The following HHAT variants were observed in gnomAD, a reference collection of about 807,000 sequenced individuals.
HHAT encodes hedgehog acyltransferase.
HHAT carries 47 observed loss-of-function variants against 70.8 expected under a neutral mutation model. The observed-to-expected ratio is 0.66, with a 90% confidence interval of 0.53 to 0.85. The LOEUF is 0.85. Among genes scored for constraint, HHAT ranks in the 40% least tolerant of loss-of-function variants. The pLI is 0.00. For missense variants in HHAT, 609 were observed against 604.8 expected, an observed-to-expected ratio of 1.01 and a Z score of -0.07; for synonymous variants, 228 against 247.6, an observed-to-expected ratio of 0.92 and a Z score of 0.74.
intron 3 of HHAT, among the ~76,000 whole-genome samples, chr1:210,382,861 A>AC (rs2090751212): frequency 6.6e-6 from 1 of 152,210 alleles, no homozygotes; most frequent in South Asian, 2.1e-4. Flanking sequence ...AAGTCCAGGT[A>AC]CAGGGACAAG....
chr1:210,433,849 G>A (rs1271663332), intron 7 of HHAT, among the ~76,000 whole-genome samples: 1 of 151,996 alleles, frequency 6.6e-6, no homozygotes, highest in Non-Finnish European at 1.5e-5. Flanking sequence ...CAGGCTCCAG[G>A]AAGATCTTCC....
chr1:210,352,298 T>C (rs990975074), intron 2 of HHAT, among the ~76,000 whole-genome samples: 1 of 152,168 alleles, frequency 6.6e-6, no homozygotes, highest in African/African-American at 2.4e-5. Context: ...CCAAGAAATA[T>C]CTTCCTCAAA....
chr1:210,341,453 C>T (rs1244942801), intron 1 of HHAT, among the ~76,000 whole-genome samples: 1 of 152,192 alleles, frequency 6.6e-6, no homozygotes, highest in Non-Finnish European at 1.5e-5. Context: ...GCAAGGTGTG[C>T]TGTACTTTTC....
At chr1:210,339,472 A>G (rs1438603937) in intron 1 of HHAT, among the ~76,000 whole-genome samples, 1 of 152,136 alleles carries the variant, frequency 6.6e-6, no homozygotes, top group Non-Finnish European at 1.5e-5. Flanking sequence ...TGCTTTGACC[A>G]ATAATGTGTT....
chr1:210,433,325 G>A (rs922583133), intron 7 of HHAT, among the ~76,000 whole-genome samples: 1 of 151,826 alleles, frequency 6.6e-6, no homozygotes. Flanking sequence ...GTTGACATCA[G>A]ATTGGTGTTA....
At chr1:210,547,979 C>G (rs1300954570) in intron 9 of HHAT, among the ~76,000 whole-genome samples, 4 of 152,164 alleles carry the variant, frequency 2.6e-5, no homozygotes. Context: ...GTATAAACAA[C>G]TGTATAATAA....
chr1:210,438,643 T>C (rs978696377), intron 7 of HHAT, among the ~76,000 whole-genome samples: 4 of 151,840 alleles, frequency 2.6e-5, no homozygotes, highest in Admixed American at 6.6e-5. Context: ...TTAGGGTCTT[T>C]AGGTCTGTGA....
At chr1:210,551,371 A>G (rs1239388033) in intron 9 of HHAT, among the ~76,000 whole-genome samples, 1 of 149,028 alleles carries the variant, frequency 6.7e-6, no homozygotes, top group East Asian at 2.2e-4. Flanking sequence ...ATTCTGCACC[A>G]TTTAGAGACA....
intron 9 of HHAT, among the ~76,000 whole-genome samples, chr1:210,519,793 G>C (rs962454744): frequency 5.4e-5 from 8 of 149,116 alleles, no homozygotes; most frequent in African/African-American, 2.0e-4. Flanking sequence ...CTCCCAAAGT[G>C]ATGGGGTTAA....
At chr1:210,652,979 C>T (rs1314073068) in intron 11 of HHAT, among the ~76,000 whole-genome samples, 1 of 152,172 alleles carries the variant, frequency 6.6e-6, no homozygotes, top group Non-Finnish European at 1.5e-5. Context: ...CATAATTTCA[C>T]ACATGTGAAA....
At position 210,464,508 on chromosome 1, in the gene HHAT, G is replaced by T. The variant is rs1173716957; in HGVS notation, c.860G>T (p.Gly287Val). ...LETVSCWTLG[G>V]LALAQVLFFY... ...GACTGGTCTGTTTGCCTTTCAGGAGGACTGGCGTTAGCCCAGGTGCTCTTT... is the reference window on the plus strand; with the variant it reads ...GACTGGTCTGTTTGCCTTTCAGGAGTACTGGCGTTAGCCCAGGTGCTCTTT... The change falls in exon 8 of 12, where the codon GGA becomes GTA. Residue 287 changes from glycine (G) to valine (V), a missense_variant. Physicochemically the swap from Gly to Val is moderately radical, Grantham distance 109 (BLOSUM62 -3). Coordinates refer to ENST00000261458, the MANE Select transcript of HHAT (RefSeq NM_018194.6). 1.2e-6 allele frequency: 2 copies of T among 1,614,068 alleles called. No homozygotes were observed. Among genetic ancestry groups the T allele is most frequent in the Non-Finnish European group, 1.7e-6 (2 of 1,180,028 alleles).
At chr1:210,476,341 A>G (rs1348789702) in intron 8 of HHAT, among the ~76,000 whole-genome samples, 1 of 152,250 alleles carries the variant, frequency 6.6e-6, no homozygotes, top group Non-Finnish European at 1.5e-5. Context: ...TAAGATGAAT[A>G]CTTTGTCTTC....
chr1:210,345,822 G>A (rs979376460), intron 1 of HHAT, among the ~76,000 whole-genome samples: 3 of 152,142 alleles, frequency 2.0e-5, no homozygotes, highest in Non-Finnish European at 2.9e-5. Context: ...AGTGGCTCAC[G>A]CCTGTAATCC....
At chr1:210,395,003 G>GTGTA (rs1553341739) in intron 4 of HHAT, among the ~76,000 whole-genome samples, 2 of 151,836 alleles carry the variant, frequency 1.3e-5, no homozygotes, top group Admixed American at 6.6e-5. Flanking sequence ...ACATATGTAT[G>GTGTA]TATATATATA....
At chr1:210,338,561 C>T (rs1347793350) in intron 1 of HHAT, among the ~76,000 whole-genome samples, 1 of 152,234 alleles carries the variant, frequency 6.6e-6, no homozygotes, top group African/African-American at 2.4e-5. Context: ...ATGCCTAAGG[C>T]ACTGTTTTAT....
intron 7 of HHAT, among the ~76,000 whole-genome samples, chr1:210,444,297 C>G (rs61826931): frequency 1.6e-5 from 2 of 127,472 alleles, no homozygotes; most frequent in South Asian, 5.8e-4. Flanking sequence ...GGATATTGGT[C>G]TAAAATTCTC....
At chr1:210,424,024 T>A (rs1376519716) in intron 7 of HHAT, among the ~76,000 whole-genome samples, 1 of 152,234 alleles carries the variant, frequency 6.6e-6, no homozygotes, top group Non-Finnish European at 1.5e-5. Flanking sequence ...CTGGTCAGGA[T>A]CTTTTGTGGT....
At chr1:210,604,065 G>T (rs1273014523) in intron 10 of HHAT, among the ~76,000 whole-genome samples, 1 of 152,106 alleles carries the variant, frequency 6.6e-6, no homozygotes, top group Non-Finnish European at 1.5e-5. Context: ...GCTATTAACA[G>T]TGATGTTAAG....
chr1:210,464,770 A>G, intron 8 of HHAT, 115 bp downstream of exon 8: 1 of 1,037,484 alleles, frequency 9.6e-7, no homozygotes, highest in Non-Finnish European at 1.4e-6. Context: ...CTCAAGCTGC[A>G]TTTGGCATCC....
Sources: gnomAD v4.1 joint callset for allele counts (sites outside exome capture counted in the v4.1 genomes callset) on GRCh38, gnomAD v4.1.1 for gene constraint, MANE v1.5 for transcripts, NCBI Gene and HGNC (gene_info 2026-07-23, HGNC 2026-07-21) for gene names.